Variants in GPR158 observed in about 807,000 individuals in gnomAD.
GPR158 encodes G protein-coupled receptor 158.
In GPR158, 30 loss-of-function variants were observed where a neutral mutation model predicts 78.2. That is an observed-to-expected ratio of 0.38 (90% CI 0.29 to 0.52). The LOEUF is 0.52. GPR158 is among the 20% of genes least tolerant of loss of function. GPR158 has a pLI of 0.83. For missense variants in GPR158, 1,463 were observed against 1,523.5 expected (o/e 0.96, Z 0.66); for synonymous variants, 581 against 591.1 (o/e 0.98, Z 0.25).
chr10:25,596,930 G>T, intron 10 of GPR158, 141 bp downstream of exon 10: 1 of 683,982 alleles, frequency 1.5e-6, no homozygotes, highest in South Asian at 1.9e-5. Context: ...GAATGTGTTT[G>T]GGTATGAACT....
At chr10:25,560,596 T>G (rs1836848356) in intron 6 of GPR158, among the ~76,000 whole-genome samples, 1 of 152,226 alleles carries the variant, frequency 6.6e-6, no homozygotes, top group African/African-American at 2.4e-5. Flanking sequence ...TCTTTTATAT[T>G]GGACTAACAC....
chr10:25,337,966 T>TA (rs1200868231), intron 2 of GPR158, among the ~76,000 whole-genome samples: 1 of 152,130 alleles, frequency 6.6e-6, no homozygotes, highest in Non-Finnish European at 1.5e-5. Context: ...GACTGTTTTT[T>TA]AAAATGCCTT....
chr10:25,284,403 T>C (rs780138851), intron 2 of GPR158, among the ~76,000 whole-genome samples: 2 of 152,068 alleles, frequency 1.3e-5, no homozygotes, highest in Non-Finnish European at 2.9e-5. Flanking sequence ...ATTGTTCCTG[T>C]TCTGAAGTCT....
At chr10:25,179,431 A>C (rs1307909227) in intron 1 of GPR158, among the ~76,000 whole-genome samples, 1 of 152,138 alleles carries the variant, frequency 6.6e-6, no homozygotes, top group Non-Finnish European at 1.5e-5. Context: ...CCCAGGTCTT[A>C]CTTACAAGAT....
At chr10:25,573,797 T>C (rs1837047421) in intron 7 of GPR158, among the ~76,000 whole-genome samples, 1 of 152,102 alleles carries the variant, frequency 6.6e-6, no homozygotes, top group Non-Finnish European at 1.5e-5. Flanking sequence ...AAAATGTGTA[T>C]TTAGTTTAGA....
chr10:25,389,448 G>A (rs1280861490), intron 2 of GPR158, among the ~76,000 whole-genome samples: 5 of 152,146 alleles, frequency 3.3e-5, no homozygotes, highest in Non-Finnish European at 7.3e-5. Context: ...TCTCTGCTGA[G>A]AGCTGAACAC....
chr10:25,527,321 TCAC>T (rs1249089111), intron 5 of GPR158, among the ~76,000 whole-genome samples: 1 of 152,166 alleles, frequency 6.6e-6, no homozygotes, highest in African/African-American at 2.4e-5. Context: ...TATGAAATGT[TCAC>T]CAAGATAACC....
chr10:25,205,155 C>T (rs1328908621), intron 1 of GPR158, among the ~76,000 whole-genome samples: 1 of 152,038 alleles, frequency 6.6e-6, no homozygotes, highest in Non-Finnish European at 1.5e-5. Flanking sequence ...AACTGTGAGT[C>T]TATTAAACCT....
chr10:25,508,907 T>C lies in GPR158; in HGVS notation c.1405-42069T>C, dbSNP rs140946781. 9.7e-4 allele frequency among the ~76,000 whole-genome samples: 147 copies of C among 152,288 alleles called. 1 individual carries two copies. Among genetic ancestry groups the C allele is most frequent in the African/African-American group, 3.2e-3 (134 of 41,562 alleles). On this transcript the variant is annotated intron_variant, in intron 5 of 10. Transcript: ENST00000376351. ...ATTTAGTCTGTCAGCTGCAGGTATG[T>C]TTTAACACGCCTTAGCATCTTTTTT... is the stretch of plus-strand genomic sequence containing the variant.
chr10:25,445,950 A>G (rs770479746), intron 4 of GPR158, among the ~76,000 whole-genome samples: 11 of 152,214 alleles, frequency 7.2e-5, no homozygotes, highest in African/African-American at 1.4e-4. Context: ...TGGAGAAGTC[A>G]GAACTGGAAC....
intron 2 of GPR158, among the ~76,000 whole-genome samples, chr10:25,324,064 T>C (rs1476520856): frequency 6.6e-6 from 1 of 152,240 alleles, no homozygotes; most frequent in East Asian, 1.9e-4. Context: ...ATTTTCTATT[T>C]AGACCACTAA....
At chr10:25,488,029 G>A (rs556619661) in intron 5 of GPR158, among the ~76,000 whole-genome samples, 3 of 152,200 alleles carry the variant, frequency 2.0e-5, no homozygotes, top group East Asian at 3.9e-4. Context: ...GATTGGCTGC[G>A]AGTACCAAGG....
At chr10:25,234,272 C>T (rs1484429802) in intron 2 of GPR158, among the ~76,000 whole-genome samples, 1 of 152,192 alleles carries the variant, frequency 6.6e-6, no homozygotes, top group African/African-American at 2.4e-5. Flanking sequence ...TGCCTTCCCT[C>T]CTGATCATTT....
chr10:25,464,746 TACAG>T (rs1164596559), intron 4 of GPR158, among the ~76,000 whole-genome samples: 3 of 152,358 alleles, frequency 2.0e-5, no homozygotes, highest in African/African-American at 4.8e-5. Flanking sequence ...CAAATTATTT[TACAG>T]ACAGTCATGT....
rs1246109820 is a variant in GPR158 at position 25,327,050 on chromosome 10, C to A, written c.1009-68861C>A. 2.0e-5 allele frequency among the ~76,000 whole-genome samples: 3 copies of A among 152,112 alleles called. No individual in the cohort carries two copies. In the East Asian group the frequency reaches 5.8e-4, roughly 29 times the overall value. On this transcript the variant is annotated intron_variant, in intron 2 of 10. Coordinates refer to ENST00000376351, the MANE Select transcript of GPR158 (RefSeq NM_020752.3). ...TTCTAATTTACAGTGGGTTGATCAGCATGTAACCTCATTGTAAGCCAAGGA... is the reference window on the plus strand; with the variant it reads ...TTCTAATTTACAGTGGGTTGATCAGAATGTAACCTCATTGTAAGCCAAGGA...
intron 7 of GPR158, among the ~76,000 whole-genome samples, chr10:25,584,109 A>T (rs1436552040): frequency 7.3e-6 from 1 of 137,040 alleles, no homozygotes; most frequent in Admixed American, 7.4e-5. Flanking sequence ...GATTAAAAAG[A>T]CTTCAGTTTC....
chr10:25,479,711 G>A (rs1564466986), intron 5 of GPR158, among the ~76,000 whole-genome samples: 2 of 151,882 alleles, frequency 1.3e-5, no homozygotes, highest in South Asian at 2.1e-4. Flanking sequence ...CACCACGCCC[G>A]GCCTGAATTT....
intron 5 of GPR158, among the ~76,000 whole-genome samples, chr10:25,513,537 C>T (rs889517166): frequency 6.7e-6 from 1 of 149,256 alleles, no homozygotes; most frequent in Non-Finnish European, 1.5e-5. Flanking sequence ...CTCTGATATT[C>T]GTTGTTTCTT....
chr10:25,598,795 GT>G lies in GPR158; in HGVS notation c.3172del (p.Cys1058ValfsTer9), dbSNP rs747823928. The G allele has an allele frequency of 6.2e-7, 1 of 1,614,108 alleles. No homozygotes were observed. Among genetic ancestry groups the G allele is most frequent in the Admixed American group, 1.7e-5 (1 of 60,008 alleles). On this transcript the variant is annotated frameshift_variant, in exon 11 of 11. Transcript: ENST00000376351. LOFTEE classifies it low-confidence loss of function (END_TRUNC). Reference protein sequence around the residue: ...KSHHKPKAAEVCQQSNQKRID... With the variant: ...KSHHKPKAAEXCQQSNQKRID... ...TCACCACAAGCCTAAGGCAGCTGAG[GT>G]TTGTCAGCAATCCAATCAGAAGCGC...
Sources: allele counts gnomAD v4.1 joint callset (sites outside exome capture counted in the v4.1 genomes callset), GRCh38; gene constraint gnomAD v4.1.1; transcripts MANE v1.5; gene names NCBI Gene and HGNC (gene_info 2026-07-23, HGNC 2026-07-21).